Variants in CERT1 observed in about 807,000 individuals in gnomAD.
CERT1 encodes the protein ceramide transfer protein.
Under a neutral mutation model 87.9 loss-of-function variants are expected in CERT1, and 31 were observed. That is an observed-to-expected ratio of 0.35 (90% CI 0.27 to 0.48). The LOEUF (loss-of-function observed/expected upper bound fraction) is 0.48, where lower values mean the gene tolerates loss of function less well. Ranked by LOEUF, CERT1 falls within the 20% of genes least tolerant of loss-of-function variation. The pLI, the probability that CERT1 is intolerant of heterozygous loss-of-function variation, is 0.99. For synonymous variants in CERT1, 289 were observed against 250.9 expected (o/e 1.15, Z -1.44); for missense variants, 487 against 758.0 (o/e 0.64, Z 4.20).
intron 11 of CERT1, among the ~76,000 whole-genome samples, chr5:75,395,879 A>T (rs1762231404): frequency 6.6e-6 from 1 of 151,398 alleles, no homozygotes; most frequent in Non-Finnish European, 1.5e-5. Flanking sequence ...AAATGAAAAA[A>T]CAAACAACAA....
chr5:75,483,519 TAAG>T (rs1766353632), intron 2 of CERT1, among the ~76,000 whole-genome samples: 1 of 151,936 alleles, frequency 6.6e-6, no homozygotes, highest in South Asian at 2.1e-4. Flanking sequence ...TATGAACATA[TAAG>T]AAGGTTATAG....
chr5:75,420,366 C>T (rs955235177), intron 5 of CERT1, among the ~76,000 whole-genome samples: 6 of 138,976 alleles, frequency 4.3e-5, no homozygotes, highest in African/African-American at 1.4e-4. Flanking sequence ...TTTTTTGAGG[C>T]GGAGTCTTGC....
At chr5:75,379,512 A>C in intron 16 of CERT1, 39 bp from the exon 17 acceptor site, 1 of 1,582,582 alleles carries the variant, frequency 6.3e-7, no homozygotes, top group Non-Finnish European at 8.6e-7. Context: ...TTAAGATACA[A>C]TTCTCCAAAC....
At chr5:75,495,962 A>G (rs1163786373) in intron 2 of CERT1, among the ~76,000 whole-genome samples, 1 of 152,076 alleles carries the variant, frequency 6.6e-6, no homozygotes, top group Non-Finnish European at 1.5e-5. Flanking sequence ...TAAAAAAAAG[A>G]ACTTAGAGCA....
chr5:75,383,505 C>T (rs1451974883), intron 14 of CERT1, among the ~76,000 whole-genome samples: 1 of 152,000 alleles, frequency 6.6e-6, no homozygotes, highest in African/African-American at 2.4e-5. Flanking sequence ...AATATTCTGA[C>T]ATTTACTAAA....
intron 3 of CERT1, among the ~76,000 whole-genome samples, chr5:75,447,317 A>G (rs921316313): frequency 6.6e-6 from 1 of 152,092 alleles, no homozygotes; most frequent in Non-Finnish European, 1.5e-5. Context: ...CTGCTCTGCC[A>G]TCTTCCCCAA....
intron 11 of CERT1, among the ~76,000 whole-genome samples, chr5:75,391,790 A>T (rs934664190): frequency 1.3e-5 from 2 of 152,218 alleles, no homozygotes; most frequent in Admixed American, 1.3e-4. Context: ...CAAAATCTTA[A>T]ACATCTTTAG....
At position 75,386,558 on chromosome 5, in the gene CERT1, G is replaced by A. The variant is rs546431115; in HGVS notation, c.1285-524C>T. On this transcript the variant is annotated intron_variant, in intron 12 of 16. Coordinates refer to ENST00000643780, the MANE Select transcript of CERT1 (RefSeq NM_001379029.1). ...AATACTGAGGTTACATACCTTAAAT[G>A]CTAAGTAAAATTAATTATTTTAAAA... Among the ~76,000 whole-genome samples the A allele has an allele frequency of 2.4e-4, 36 of 152,264 alleles. No individual in the cohort carries two copies. The South Asian group carries it at 7.5e-3, about 32-fold the overall frequency.
rs1331696185 is a variant in CERT1, at chr5:75,395,580, T to G, written c.1188+3730A>C. 1.9e-4 allele frequency among the ~76,000 whole-genome samples: 20 copies of G among 107,978 alleles called. No homozygotes were observed. In the East Asian group the frequency reaches 4.7e-3, roughly 26 times the overall value. The allele number at this position is 107,978 out of a possible 152,430, so 70.8% of individuals were successfully genotyped here. On this transcript the variant is annotated intron_variant, in intron 11 of 16. Coordinates refer to ENST00000643780, the MANE Select transcript of CERT1 (RefSeq NM_001379029.1). ...CAAAAAAAAAAAAAAAAAAAAAAAA[T>G]GCTGGGCATGGTGTCTCAGGCCTGT...
chr5:75,379,404 A>G lies in CERT1; in HGVS notation c.1817T>C (p.Leu606Pro). 6.2e-7 allele frequency: 1 copy of G among 1,614,012 alleles called. No homozygotes were observed. Among genetic ancestry groups the G allele is most frequent in the Non-Finnish European group, 8.5e-7 (1 of 1,179,902 alleles). The change falls in exon 17 of 17, where the codon CTA (leucine) becomes CCA (proline). Residue 606 changes from leucine (L) to proline (P), a missense_variant. This residue lies in a region of CERT1 where 33 missense variants were observed against 64.4 expected (regional missense o/e 0.51). Transcript: ENST00000643780. ...AVAKREYPKFLKRFTSYVQEK... is the reference protein window; with the variant it reads ...AVAKREYPKFPKRFTSYVQEK... ...TTGGACGTAAGAAGTAAAACGTTTT[A>G]GAAATTTAGGATACTCTCGCTTTGC...
intron 3 of CERT1, among the ~76,000 whole-genome samples, chr5:75,451,337 C>G (rs1007593938): frequency 6.6e-6 from 1 of 152,148 alleles, no homozygotes; most frequent in Non-Finnish European, 1.5e-5. Context: ...ATTCTATGTA[C>G]TGATTTTTCT....
Position 75,379,115 on chromosome 5 carries a change from G to A in CERT1, c.*231C>T, listed in dbSNP as rs1761448105. On this transcript the variant is annotated 3_prime_UTR_variant, in exon 17 of 17. Transcript: ENST00000643780. ...AGAGGATTGTTTGAGGCCAGAGGTT[G>A]AGGTTGCAGTGAGCCGTGATGGTGT... 2 of 408,346 alleles carry A rather than the reference G, an allele frequency of 4.9e-6. No individual in the cohort carries two copies. Among genetic ancestry groups the A allele is most frequent in the Non-Finnish European group, 8.8e-6 (2 of 226,840 alleles). The allele number at this position is 408,346 out of a possible 1,614,324, so 25.3% of individuals were successfully genotyped here. A position where few individuals can be genotyped will look rare whatever the true frequency, so the allele number is the denominator to read the frequency against.
intron 15 of CERT1, among the ~76,000 whole-genome samples, chr5:75,381,540 AT>A (rs1160917035): frequency 1.4e-5 from 2 of 148,028 alleles, no homozygotes; most frequent in Admixed American, 6.7e-5. Context: ...AAAAAAAAAA[AT>A]TTTTTTTAAT....
At chr5:75,371,041 A>G (rs1010110125) in intron 17 of CERT1, 28 of 152,298 alleles carry the variant, frequency 1.8e-4, no homozygotes, top group African/African-American at 4.6e-4. Flanking sequence ...CTGAATTTCA[A>G]GCTCTTAACT....
intron 6 of CERT1, among the ~76,000 whole-genome samples, chr5:75,418,234 A>G (rs777908055): frequency 9.2e-5 from 14 of 152,234 alleles, no homozygotes; most frequent in Non-Finnish European, 1.6e-4. Context: ...GAGCAGATAT[A>G]AATGGCAAAT....
rs1761434255 is a variant in CERT1, at chr5:75,378,833, C to T, written c.*513G>A. 1 of 152,096 alleles carries T rather than the reference C, an allele frequency of 6.6e-6. No individual in the cohort carries two copies. Among genetic ancestry groups the T allele is most frequent in the African/African-American group, 2.4e-5 (1 of 41,370 alleles). 9.4% of individuals were successfully genotyped at this position (152,096 alleles called of 1,614,324 possible). A position where few individuals can be genotyped will look rare whatever the true frequency, so the allele number is the denominator to read the frequency against. On this transcript the variant is annotated 3_prime_UTR_variant, in exon 17 of 17. Coordinates refer to ENST00000643780, the MANE Select transcript of CERT1 (RefSeq NM_001379029.1). ...TAATATCAAAATTTCTTTACATAAG[C>T]ATTAGAAGAAAAAGGAAACAATAAA...
chr5:75,469,198 T>C lies in CERT1; in HGVS notation c.232-10017A>G, dbSNP rs539647010. Among the ~76,000 whole-genome samples, 5 of 151,846 alleles carry C rather than the reference T, an allele frequency of 3.3e-5. No homozygotes were observed. The East Asian group carries it at 5.8e-4, about 18-fold the overall frequency. ...TGAAAAATGCAATAAAGAACATCAA[T>C]AGCAAAATCAAAGAAGCAAAAGATC... On this transcript the variant is annotated intron_variant, in intron 2 of 16. Coordinates refer to ENST00000643780, the MANE Select transcript of CERT1 (RefSeq NM_001379029.1).
At chr5:75,386,588 A>G (rs1159104880) in intron 12 of CERT1, among the ~76,000 whole-genome samples, 2 of 152,222 alleles carry the variant, frequency 1.3e-5, no homozygotes, top group African/African-American at 4.8e-5. Flanking sequence ...TTAAAATTAT[A>G]GAGTTTGCTA....
At chr5:75,424,771 T>C (rs1359801352) in intron 5 of CERT1, among the ~76,000 whole-genome samples, 2 of 152,272 alleles carry the variant, frequency 1.3e-5, no homozygotes, top group Non-Finnish European at 2.9e-5. Context: ...AAATGATCCA[T>C]AATACCAAGA....
Sources: gnomAD v4.1 joint callset for allele counts (sites outside exome capture counted in the v4.1 genomes callset) on GRCh38, gnomAD v4.1.1 for gene constraint, gnomAD v4.1.1 regional missense constraint, MANE v1.5 for transcripts, NCBI Gene and HGNC (gene_info 2026-07-23, HGNC 2026-07-21) for gene names.